EYS: variants seen among roughly 807,000 people sequenced by gnomAD.
EYS encodes protein eyes shut homolog.
Under a neutral mutation model 282.1 loss-of-function variants are expected in EYS, and 250 were observed. That is an observed-to-expected ratio of 0.89 (90% CI 0.80 to 0.98). The LOEUF (loss-of-function observed/expected upper bound fraction) is 0.98. Among genes scored for constraint, EYS ranks in the 50% least tolerant of loss-of-function variants. The probability of loss-of-function intolerance (pLI) is 0.00; values close to 1 mark genes in which losing one functional copy is unlikely to be tolerated. For synonymous variants in EYS, 1,355 were observed against 1,282.9 expected (o/e 1.06, Z -1.20); for missense variants, 4,016 against 3,709.0 (o/e 1.08, Z -2.15).
chr6:64,145,189 T>A (rs116451020), intron 31 of EYS, among the ~76,000 whole-genome samples: 2,047 of 152,288 alleles, frequency 0.013, 43 homozygotes, highest in African/African-American at 0.047. Flanking sequence ...CTTTTTACCA[T>A]ATTTCTCTAT....
chr6:65,178,599 C>G (rs1388885196), intron 12 of EYS, among the ~76,000 whole-genome samples: 2 of 152,002 alleles, frequency 1.3e-5, no homozygotes, highest in African/African-American at 4.8e-5. Flanking sequence ...TAGACTCCCA[C>G]ACATTAATAG....
chr6:64,635,861 G>A (rs143180031), intron 22 of EYS, among the ~76,000 whole-genome samples: 1 of 152,086 alleles, frequency 6.6e-6, no homozygotes. Context: ...GAGGATTCCC[G>A]CTTTTTCTAT....
chr6:65,086,133 T>A (rs143291608), intron 12 of EYS, among the ~76,000 whole-genome samples: 2 of 151,972 alleles, frequency 1.3e-5, no homozygotes, highest in Admixed American at 6.6e-5. Context: ...CTACAGTACA[T>A]GGTGAAACCC....
intron 24 of EYS, among the ~76,000 whole-genome samples, chr6:64,612,444 G>A (rs1346924441): frequency 1.3e-5 from 2 of 152,020 alleles, no homozygotes; most frequent in Non-Finnish European, 2.9e-5. Context: ...GAATTCTTAA[G>A]CAAGTTTAGG....
chr6:64,429,476 C>A (rs2150458463), intron 28 of EYS, among the ~76,000 whole-genome samples: 1 of 152,118 alleles, frequency 6.6e-6, no homozygotes, highest in Admixed American at 6.5e-5. Flanking sequence ...ACTAAAAATA[C>A]AAAAATTAGC....
chr6:65,524,250 A>C (rs1767477506), intron 2 of EYS, among the ~76,000 whole-genome samples: 1 of 152,144 alleles, frequency 6.6e-6, no homozygotes, highest in Non-Finnish European at 1.5e-5. Flanking sequence ...CTGTTTATTC[A>C]GAGGCATGAG....
intron 36 of EYS, among the ~76,000 whole-genome samples, chr6:63,825,779 C>T (rs1473237906): frequency 6.6e-6 from 1 of 152,130 alleles, no homozygotes; most frequent in East Asian, 1.9e-4. Context: ...CTGACAGAGC[C>T]CACCCAAATG....
rs570084763 is a variant in EYS at position 65,193,208 on chromosome 6, A to G, written c.2023+102655T>C. 3.9e-5 allele frequency among the ~76,000 whole-genome samples: 6 copies of G among 151,994 alleles called. No homozygotes were observed. The South Asian group carries it at 1.2e-3, about 31-fold the overall frequency. On this transcript the variant is annotated intron_variant, in intron 12 of 42. Coordinates refer to ENST00000503581, the MANE Select transcript of EYS (RefSeq NM_001142800.2). ...AATGAGGTAGTTATATTTTTATTCTATTTTGCAGATGAGAAAGCTAAAGTA... is the reference window on the plus strand; with the variant it reads ...AATGAGGTAGTTATATTTTTATTCTGTTTTGCAGATGAGAAAGCTAAAGTA...
At chr6:64,945,651 A>T (rs1769262037) in intron 15 of EYS, 142 bp downstream of exon 15, 4 of 673,024 alleles carry the variant, frequency 5.9e-6, no homozygotes, top group Admixed American at 3.5e-5. Flanking sequence ...TTGCGACACC[A>T]TCTTGTCAGT....
chr6:63,815,385 C>T (rs565658852), intron 36 of EYS, among the ~76,000 whole-genome samples: 1 of 152,256 alleles, frequency 6.6e-6, no homozygotes, highest in South Asian at 2.1e-4. Flanking sequence ...TCTATGTTAC[C>T]TACCTCACTA....
chr6:64,746,103 A>G (rs1235174926), intron 22 of EYS, among the ~76,000 whole-genome samples: 2 of 152,054 alleles, frequency 1.3e-5, no homozygotes, highest in Non-Finnish European at 2.9e-5. Flanking sequence ...AAAAATTTAG[A>G]AGTATGAGAA....
At chr6:64,333,699 C>T (rs953006168) in intron 29 of EYS, among the ~76,000 whole-genome samples, 1 of 152,114 alleles carries the variant, frequency 6.6e-6, no homozygotes, top group Non-Finnish European at 1.5e-5. Flanking sequence ...GAAGAAAACC[C>T]AAAGGACCCA....
chr6:63,777,667 A>G lies in EYS; in HGVS notation c.7898+339T>C, dbSNP rs1770098955. The G allele has an allele frequency of 2.1e-5, 4 of 190,724 alleles. No homozygotes were observed. The South Asian group carries it at 3.8e-4, about 18-fold the overall frequency. The allele number at this position is 190,724 out of a possible 1,614,324, so 11.8% of individuals were successfully genotyped here. A position where few individuals can be genotyped will look rare whatever the true frequency, so the allele number is the denominator to read the frequency against. ...CCTTTCTAAAGGGGCTCAAACCTACATATGAAAGCAAATCCCAATATGTAA... is the reference window on the plus strand; with the variant it reads ...CCTTTCTAAAGGGGCTCAAACCTACGTATGAAAGCAAATCCCAATATGTAA... On this transcript the variant is annotated intron_variant, in intron 40 of 42. Coordinates refer to ENST00000503581, the MANE Select transcript of EYS (RefSeq NM_001142800.2).
chr6:65,189,388 C>G (rs896244648), intron 12 of EYS, among the ~76,000 whole-genome samples: 2 of 151,608 alleles, frequency 1.3e-5, no homozygotes, highest in Non-Finnish European at 2.9e-5. Flanking sequence ...CTCCTGTACT[C>G]TATAAAAGAA....
At chr6:64,579,706 A>G (rs183970345) in intron 26 of EYS, among the ~76,000 whole-genome samples, 4 of 152,212 alleles carry the variant, frequency 2.6e-5, no homozygotes, top group African/African-American at 9.6e-5. Flanking sequence ...ATTCTCATTC[A>G]TATTCTCAGT....
chr6:64,910,246 A>C (rs1767951071), intron 16 of EYS, among the ~76,000 whole-genome samples: 1 of 152,182 alleles, frequency 6.6e-6, no homozygotes. Flanking sequence ...TTTAAAAACA[A>C]TATACTGGCT....
At chr6:64,832,378 A>G (rs1765250022) in intron 19 of EYS, among the ~76,000 whole-genome samples, 1 of 151,548 alleles carries the variant, frequency 6.6e-6, no homozygotes, top group African/African-American at 2.4e-5. Flanking sequence ...TTCTATCTGT[A>G]TGAGGTATCT....
chr6:64,824,384 T>A (rs186273724), intron 19 of EYS, among the ~76,000 whole-genome samples: 1 of 152,106 alleles, frequency 6.6e-6, no homozygotes, highest in African/African-American at 2.4e-5. Flanking sequence ...TACTTATTGG[T>A]ACATCATACG....
chr6:65,163,046 G>A (rs1488784033), intron 12 of EYS, among the ~76,000 whole-genome samples: 1 of 150,944 alleles, frequency 6.6e-6, no homozygotes, highest in Admixed American at 6.6e-5. Flanking sequence ...AAAATTTAGG[G>A]GTCAGGAGTC....
Sources: allele counts gnomAD v4.1 joint callset (sites outside exome capture counted in the v4.1 genomes callset), GRCh38; gene constraint gnomAD v4.1.1; transcripts MANE v1.5; gene names NCBI Gene and HGNC (gene_info 2026-07-23, HGNC 2026-07-21).